The following WNT7B variants were observed in gnomAD, a reference collection of about 807,000 sequenced individuals.
WNT7B encodes Wnt family member 7B.
In WNT7B, 19 loss-of-function variants were observed where a neutral mutation model predicts 38.2. The observed-to-expected ratio is 0.50, with a 90% CI of 0.35 to 0.73. The LOEUF is 0.73. Ranked by LOEUF, WNT7B falls within the 30% of genes least tolerant of loss-of-function variation. The probability of loss-of-function intolerance (pLI) is 0.01; values close to 1 mark genes in which losing one functional copy is unlikely to be tolerated. For synonymous variants in WNT7B, 243 were observed against 209.3 expected (o/e 1.16, Z -1.39); for missense variants, 423 against 507.9 (o/e 0.83, Z 1.61).
chr22:45,933,995 C>T (rs1422883627), intron 2 of WNT7B, among the ~76,000 whole-genome samples: 2 of 152,324 alleles, frequency 1.3e-5, no homozygotes, highest in South Asian at 2.1e-4. Context: ...AGAGGCCGGT[C>T]GGCACCAGCA....
At chr22:45,962,970 C>T (rs1932230641) in intron 1 of WNT7B, among the ~76,000 whole-genome samples, 1 of 152,234 alleles carries the variant, frequency 6.6e-6, no homozygotes, top group Non-Finnish European at 1.5e-5. Flanking sequence ...CTCGGCCTTC[C>T]TGGCTGCCCT....
chr22:45,949,871 T>C (rs1931888405), intron 2 of WNT7B, 49 bp downstream of exon 2: 1 of 1,563,264 alleles, frequency 6.4e-7, no homozygotes, highest in Non-Finnish European at 8.7e-7. Flanking sequence ...CCTGGCCTAC[T>C]GCCCCTGGCC....
chr22:45,965,572 G>A lies in WNT7B; in HGVS notation c.71+11112C>T, dbSNP rs993111181. On this transcript the variant is annotated intron_variant, in intron 1 of 3. Coordinates refer to ENST00000339464, the MANE Select transcript of WNT7B (RefSeq NM_058238.3). This position sits in a 1 kb window ranked among gnomAD's most constrained non-coding sequence, Gnocchi z 6.5. Reference sequence around the variant, plus strand: ...GGGGAGGGATACCCTCAAGGTTGCCGCAAGCCCACAGCTGAGCCAGGAACA... The same window carrying A: ...GGGGAGGGATACCCTCAAGGTTGCCACAAGCCCACAGCTGAGCCAGGAACA... Among the ~76,000 whole-genome samples the A allele has an allele frequency of 5.9e-5, 9 of 152,068 alleles. No homozygotes were observed. Among genetic ancestry groups the A allele is most frequent in the East Asian group, 1.9e-4 (1 of 5,174 alleles).
intron 1 of WNT7B, among the ~76,000 whole-genome samples, chr22:45,970,285 C>T (rs10453460): frequency 0.32 from 48,433 of 152,090 alleles, 8,924 homozygotes; most frequent in African/African-American, 0.51. Context: ...CCCAGGGATG[C>T]CTGGAAAAAC....
chr22:45,956,917 C>T (rs994088222), intron 1 of WNT7B, among the ~76,000 whole-genome samples: 1 of 151,938 alleles, frequency 6.6e-6, no homozygotes, highest in Non-Finnish European at 1.5e-5. Context: ...ACCATCCTGG[C>T]CAACACGGTG....
Position 45,975,705 on chromosome 22 carries a change from G to C in WNT7B, c.71+979C>G. 1.8e-6 allele frequency: 1 copy of C among 543,982 alleles called. No individual in the cohort carries two copies. The highest frequency in any genetic ancestry group is 3.4e-6 in the Non-Finnish European group (1 of 292,000). 33.7% of individuals were successfully genotyped at this position (543,982 alleles called of 1,614,324 possible). ...ACCGCCTTGCCTGTGGCCTGGACGG[G>C]GCTCGCCTCGGGGCAGCCGGCGGCG... On this transcript the variant is annotated intron_variant, in intron 1 of 3. Transcript: ENST00000339464. The surrounding 1 kb of genome is among the most constrained non-coding windows in gnomAD (Gnocchi z 6.6).
In WNT7B at chr22:45,976,644, C is replaced by T. The variant is rs1334441022; in HGVS notation, c.71+40G>A. 1.3e-6 allele frequency: 2 copies of T among 1,592,858 alleles called. No homozygotes were observed. Among genetic ancestry groups the T allele is most frequent in the Non-Finnish European group, 1.7e-6 (2 of 1,168,602 alleles). On this transcript the variant is annotated intron_variant, in intron 1 of 3. Transcript: ENST00000339464. The surrounding 1 kb of genome is among the most constrained non-coding windows in gnomAD (Gnocchi z 8.5). ...CCCGGAGGCAGCTCCTTCGTGCTGTCTTGGCCCCTGGCTGCTGCCCTCGCC... is the reference window on the plus strand; with the variant it reads ...CCCGGAGGCAGCTCCTTCGTGCTGTTTTGGCCCCTGGCTGCTGCCCTCGCC...
At chr22:45,937,451 C>T (rs140451329) in intron 2 of WNT7B, among the ~76,000 whole-genome samples, 21 of 152,360 alleles carry the variant, frequency 1.4e-4, no homozygotes, top group African/African-American at 4.8e-4. Context: ...GCCAGAAGGG[C>T]ACACACAGTC....
chr22:45,971,079 G>A (rs554247900), intron 1 of WNT7B, among the ~76,000 whole-genome samples: 36 of 152,268 alleles, frequency 2.4e-4, no homozygotes, highest in Non-Finnish European at 1.6e-4. Context: ...CTAGGAGCAA[G>A]AGGAGAAATT....
chr22:45,921,900 A>G lies in WNT7B; in HGVS notation c.*956T>C, dbSNP rs1173597656. The G allele has an allele frequency of 6.6e-6, 1 of 152,178 alleles. No homozygotes were observed. Among genetic ancestry groups the G allele is most frequent in the East Asian group, 1.9e-4 (1 of 5,188 alleles). 9.4% of individuals were successfully genotyped at this position (152,178 alleles called of 1,614,324 possible). ...CTCAGCCTCCTGAGTAGCTGGGATT[A>G]CAGGTGCACGCCACCACGCCCAGCT... is the stretch of plus-strand genomic sequence containing the variant. On this transcript the variant is annotated 3_prime_UTR_variant, in exon 4 of 4. Coordinates refer to ENST00000339464, the MANE Select transcript of WNT7B (RefSeq NM_058238.3).
rs1932523126 is a variant in WNT7B, at chr22:45,975,019, C to T, written c.71+1665G>A. Among the ~76,000 whole-genome samples the T allele has an allele frequency of 1.3e-5, 2 of 152,166 alleles. No individual in the cohort carries two copies. Among genetic ancestry groups the T allele is most frequent in the Admixed American group, 6.5e-5 (1 of 15,284 alleles). On this transcript the variant is annotated intron_variant, in intron 1 of 3. Transcript: ENST00000339464. The surrounding 1 kb of genome is among the most constrained non-coding windows in gnomAD (Gnocchi z 6.6). ...GGGAGGAAGGGCTGCTTTCCGATGACTGAGGCAGAAGAATGGACGCTAGGA... is the reference window on the plus strand; with the variant it reads ...GGGAGGAAGGGCTGCTTTCCGATGATTGAGGCAGAAGAATGGACGCTAGGA...
At position 45,931,254 on chromosome 22, in the gene WNT7B, C is replaced by G. The variant is rs752248336; in HGVS notation, c.414G>C (p.Gln138His). ...LSNCGCDREK[Q>H]GYYNQAEGWK... ...AGCCCTCGGCTTGGTTGTAGTAGCC[C>G]TGCTTCTCGCGGTCGCAGCCGCAGT... Residue 138 changes from glutamine to histidine, a missense_variant, in exon 3 of 4, where the codon CAG becomes CAC. This residue lies in a region of WNT7B where 132 missense variants were observed against 113.4 expected (regional missense o/e 1.16). Coordinates refer to ENST00000339464, the MANE Select transcript of WNT7B (RefSeq NM_058238.3). 1 of 1,598,942 alleles carries G rather than the reference C, an allele frequency of 6.3e-7. No individual in the cohort carries two copies. The highest frequency in any genetic ancestry group is 1.7e-5 in the Admixed American group (1 of 60,002).
intron 2 of WNT7B, among the ~76,000 whole-genome samples, chr22:45,944,499 C>CA (rs1931748500): frequency 6.6e-6 from 1 of 152,232 alleles, no homozygotes; most frequent in African/African-American, 2.4e-5. Flanking sequence ...CCCTGACCTT[C>CA]AAGGCCCCAG....
Position 45,950,164 on chromosome 22 carries a change from C to G in WNT7B, c.72-18G>C. On this transcript the variant is annotated intron_variant, in intron 1 of 3. Coordinates refer to ENST00000339464, the MANE Select transcript of WNT7B (RefSeq NM_058238.3). ...ACAGTGCTCTGTGGAGGGGAGGAGA[C>G]AGAGGCCGTGAGACGGCGGCGGCCA... is the stretch of plus-strand genomic sequence containing the variant. 8.1e-6 allele frequency: 13 copies of G among 1,606,594 alleles called. No individual in the cohort carries two copies. Among genetic ancestry groups the G allele is most frequent in the East Asian group, 2.2e-5 (1 of 44,702 alleles).
chr22:45,954,817 T>C, intron 1 of WNT7B: 4 of 959,760 alleles, frequency 4.2e-6, no homozygotes, highest in African/African-American at 1.8e-5. Flanking sequence ...CTCTGGGCCG[T>C]TGGGACCTCA....
intron 1 of WNT7B, among the ~76,000 whole-genome samples, chr22:45,970,883 C>T (rs1932419528): frequency 6.6e-6 from 1 of 152,254 alleles, no homozygotes; most frequent in Non-Finnish European, 1.5e-5. Flanking sequence ...GCCCCGCCCC[C>T]CTCAGGCGAT....
intron 1 of WNT7B, among the ~76,000 whole-genome samples, chr22:45,956,528 G>A (rs1932066297): frequency 6.6e-6 from 1 of 152,172 alleles, no homozygotes. Flanking sequence ...CCACCGATGG[G>A]TCCACGCCCA....
intron 1 of WNT7B, among the ~76,000 whole-genome samples, chr22:45,959,472 CTG>C (rs1434747391): frequency 3.9e-5 from 6 of 152,162 alleles, no homozygotes; most frequent in African/African-American, 9.7e-5. Context: ...ACAGGACAAG[CTG>C]TGTCTTTCTG....
intron 1 of WNT7B, among the ~76,000 whole-genome samples, chr22:45,969,949 C>T (rs1403413597): frequency 6.6e-6 from 1 of 152,254 alleles, no homozygotes; most frequent in Non-Finnish European, 1.5e-5. Flanking sequence ...GCTCTCCAAG[C>T]ACTTGCTGCT....
Sources: gnomAD v4.1 joint callset for allele counts (sites outside exome capture counted in the v4.1 genomes callset) on GRCh38, gnomAD v4.1.1 for gene constraint, gnomAD v4.1.1 regional missense constraint, Gnocchi (gnomAD v3.1) non-coding constraint, MANE v1.5 for transcripts, NCBI Gene and HGNC (gene_info 2026-07-23, HGNC 2026-07-21) for gene names.